The following GABRB1 variants were observed in gnomAD, a reference collection of about 807,000 sequenced individuals.
GABRB1 encodes the protein gamma-aminobutyric acid type A receptor subunit beta1.
Under a neutral mutation model 51.6 loss-of-function variants are expected in GABRB1, and 17 were observed. The observed-to-expected ratio is 0.33, with a 90% CI of 0.23 to 0.49. GABRB1 has a LOEUF of 0.49. Ranked by LOEUF, GABRB1 falls within the 20% of genes least tolerant of loss-of-function variation. The pLI is 0.99. For synonymous variants in GABRB1, 247 were observed against 218.9 expected, an observed-to-expected ratio of 1.13 and a Z score of -1.14; for missense variants, 410 against 600.6, an observed-to-expected ratio of 0.68 and a Z score of 3.32.
intron 1 of GABRB1, among the ~76,000 whole-genome samples, chr4:47,007,873 T>G (rs1724455035): frequency 2.3e-5 from 1 of 44,306 alleles, no homozygotes; most frequent in South Asian, 1.1e-3. Flanking sequence ...CTGGTATATA[T>G]ATATATATAT....
chr4:47,216,406 A>G (rs1368917904), intron 4 of GABRB1, among the ~76,000 whole-genome samples: 2 of 151,946 alleles, frequency 1.3e-5, no homozygotes, highest in African/African-American at 4.8e-5. Flanking sequence ...AATAGTTATC[A>G]CTGATATTAA....
intron 3 of GABRB1, among the ~76,000 whole-genome samples, chr4:47,154,703 G>C (rs975182716): frequency 2.6e-5 from 4 of 152,072 alleles, no homozygotes; most frequent in African/African-American, 9.7e-5. Context: ...ACCAAAGAGA[G>C]ATCACAAGGA....
At chr4:47,243,430 A>T (rs1721612704) in intron 4 of GABRB1, among the ~76,000 whole-genome samples, 1 of 152,166 alleles carries the variant, frequency 6.6e-6, no homozygotes, top group African/African-American at 2.4e-5. Flanking sequence ...GAAGAAAGTC[A>T]TTGGTAGCTT....
At chr4:47,123,964 T>C (rs531656137) in intron 3 of GABRB1, among the ~76,000 whole-genome samples, 1 of 118,972 alleles carries the variant, frequency 8.4e-6, no homozygotes, top group Admixed American at 1.2e-4. Flanking sequence ...TATATATGTA[T>C]AAATGCACAC....
At position 47,398,549 on chromosome 4, in the gene GABRB1, C is replaced by CATAT. The variant is rs34617428; in HGVS notation, c.545-4763_545-4760dup. Among the ~76,000 whole-genome samples, 79 of 151,440 alleles carry CATAT rather than the reference C, an allele frequency of 5.2e-4. 1 individual carries two copies. The highest frequency in any genetic ancestry group is 2.9e-3 in the South Asian group (14 of 4,778). ...TTCCCATGTTAAGGAAATATCTTCT[C>CATAT]ATATATATAGAGAGAGAGAGAGAGA... On this transcript the variant is annotated intron_variant, in intron 5 of 8. Transcript: ENST00000295454.
intron 4 of GABRB1, among the ~76,000 whole-genome samples, chr4:47,198,258 G>A (rs1719767208): frequency 6.6e-6 from 1 of 152,186 alleles, no homozygotes; most frequent in Non-Finnish European, 1.5e-5. Flanking sequence ...GAGGGACTGA[G>A]GATCTGGAGA....
At chr4:47,207,103 A>C (rs1720157397) in intron 4 of GABRB1, among the ~76,000 whole-genome samples, 1 of 151,922 alleles carries the variant, frequency 6.6e-6, no homozygotes, top group African/African-American at 2.4e-5. Flanking sequence ...TTATGAAGAG[A>C]CTATTAGAAT....
intron 8 of GABRB1, among the ~76,000 whole-genome samples, chr4:47,424,306 G>A (rs1399707723): frequency 6.6e-6 from 1 of 152,228 alleles, no homozygotes; most frequent in Non-Finnish European, 1.5e-5. Context: ...GAGCCAGATT[G>A]TTAACCGTTC....
At chr4:47,379,068 T>A (rs1727499924) in intron 5 of GABRB1, among the ~76,000 whole-genome samples, 1 of 152,186 alleles carries the variant, frequency 6.6e-6, no homozygotes, top group Non-Finnish European at 1.5e-5. Context: ...TGTGGATAGG[T>A]CAATAGATCA....
chr4:47,386,163 G>A (rs1727789470), intron 5 of GABRB1, among the ~76,000 whole-genome samples: 1 of 152,076 alleles, frequency 6.6e-6, no homozygotes, highest in Admixed American at 6.5e-5. Context: ...TTCTAATCTG[G>A]GTATGGTCTT....
chr4:47,130,028 A>C (rs1238731837), intron 3 of GABRB1, among the ~76,000 whole-genome samples: 2 of 152,144 alleles, frequency 1.3e-5, no homozygotes, highest in Non-Finnish European at 2.9e-5. Flanking sequence ...TCTGCTAACA[A>C]ATTTCCCAGG....
chr4:47,224,419 A>G (rs1372499), intron 4 of GABRB1, among the ~76,000 whole-genome samples: 54,002 of 151,852 alleles, frequency 0.36, 10,019 homozygotes, highest in African/African-American at 0.42. Flanking sequence ...TCAAGCCCAA[A>G]TACAAGAAAA....
chr4:47,387,131 A>G (rs955260764), intron 5 of GABRB1, among the ~76,000 whole-genome samples: 1 of 152,180 alleles, frequency 6.6e-6, no homozygotes, highest in Non-Finnish European at 1.5e-5. Flanking sequence ...TCAAATTTGC[A>G]GATAACATGA....
intron 5 of GABRB1, among the ~76,000 whole-genome samples, chr4:47,359,937 T>C (rs2110008455): frequency 6.6e-6 from 1 of 152,204 alleles, no homozygotes; most frequent in Admixed American, 6.5e-5. Context: ...AAATGATCTG[T>C]GTTTCTGCCT....
intron 4 of GABRB1, among the ~76,000 whole-genome samples, chr4:47,217,324 C>T (rs1008264081): frequency 6.6e-6 from 1 of 151,720 alleles, no homozygotes; most frequent in African/African-American, 2.4e-5. Flanking sequence ...ATGTCTGATA[C>T]ATGTAACAAT....
At chr4:47,043,787 C>T (rs961075997) in intron 3 of GABRB1, among the ~76,000 whole-genome samples, 1 of 152,058 alleles carries the variant, frequency 6.6e-6, no homozygotes, top group African/African-American at 2.4e-5. Context: ...AAAGCTATCT[C>T]CTTGAAATGT....
intron 3 of GABRB1, among the ~76,000 whole-genome samples, chr4:47,102,515 C>T (rs1052424042): frequency 1.2e-4 from 18 of 151,836 alleles, no homozygotes; most frequent in Middle Eastern, 3.2e-3. Flanking sequence ...GAGTAACCTC[C>T]GCTAATTTGG....
chr4:47,012,528 A>C (rs1298539366), intron 1 of GABRB1, among the ~76,000 whole-genome samples: 1 of 152,186 alleles, frequency 6.6e-6, no homozygotes, highest in Non-Finnish European at 1.5e-5. Flanking sequence ...GGCTTTTTAT[A>C]TTAATTTGTA....
At chr4:47,191,879 T>C (rs1017241514) in intron 4 of GABRB1, among the ~76,000 whole-genome samples, 5 of 152,058 alleles carry the variant, frequency 3.3e-5, no homozygotes, top group African/African-American at 1.2e-4. Flanking sequence ...ACTCTTGTAA[T>C]TGGAAAACCC....
Sources: gnomAD v4.1 joint callset for allele counts (sites outside exome capture counted in the v4.1 genomes callset) on GRCh38, gnomAD v4.1.1 for gene constraint, MANE v1.5 for transcripts, NCBI Gene and HGNC (gene_info 2026-07-23, HGNC 2026-07-21) for gene names.